SLC7A4: variants seen among roughly 807,000 people sequenced by gnomAD.
SLC7A4 encodes the protein cationic amino acid transporter 4.
In SLC7A4, 30 loss-of-function variants were observed where a neutral mutation model predicts 37.8. The observed-to-expected ratio is 0.79, with a 90% CI of 0.59 to 1.08. The LOEUF is 1.08. SLC7A4 is among the 50% of genes least tolerant of loss of function. SLC7A4 has a pLI of 0.00. For synonymous variants in SLC7A4, 359 were observed against 376.5 expected (o/e 0.95, Z 0.54); for missense variants, 839 against 843.2 (o/e 1.00, Z 0.06).
chr22:21,031,118 A>G lies in SLC7A4; in HGVS notation c.695T>C (p.Phe232Ser), dbSNP rs1928869296. ...WSADEGGFAP[F>S]GFSGVMAGTA... ...GCCGGCCATGACGCCGGAGAAGCCGAAGGGTGCAAAGCCGCCTTCGTCAGC... is the reference window on the plus strand; with the variant it reads ...GCCGGCCATGACGCCGGAGAAGCCGGAGGGTGCAAAGCCGCCTTCGTCAGC... Residue 232 changes from phenylalanine (F) to serine (S), a missense_variant, in exon 2 of 5, where the codon TTC (phenylalanine) becomes TCC (serine). Physicochemically the swap from Phe to Ser is radical, Grantham distance 155. Coordinates refer to ENST00000382932, the MANE Select transcript of SLC7A4 (RefSeq NM_004173.3). 2 of 1,613,890 alleles carry G rather than the reference A, an allele frequency of 1.2e-6. No individual in the cohort carries two copies. Among genetic ancestry groups the G allele is most frequent in the Non-Finnish European group, 1.7e-6 (2 of 1,179,906 alleles).
In SLC7A4 at chr22:21,031,256, C is replaced by A; in HGVS notation, c.557G>T (p.Cys186Phe). Residue 186 changes from cysteine to phenylalanine, a missense_variant, in exon 2 of 5, where the codon TGT (cysteine) becomes TTT (phenylalanine). Transcript: ENST00000382932. ...GAGCCAGGAGGACACGCGGGCTCCACAGGAGACAAAGGCAGAGGCCAGGAG... is the reference window on the plus strand; with the variant it reads ...GAGCCAGGAGGACACGCGGGCTCCAAAGGAGACAAAGGCAGAGGCCAGGAG... ...IILLASAFVSCGARVSSWLNH... is the reference protein window; with the variant it reads ...IILLASAFVSFGARVSSWLNH... The A allele has an allele frequency of 6.2e-7, 1 of 1,613,086 alleles. No homozygotes were observed. Among genetic ancestry groups the A allele is most frequent in the South Asian group, 1.1e-5 (1 of 90,988 alleles).
In SLC7A4 at chr22:21,028,994, G is replaced by C; in HGVS notation, c.*61C>G. On this transcript the variant is annotated 3_prime_UTR_variant, in exon 5 of 5. Transcript: ENST00000382932. ...CCACAACAGAAGGGGCTCTCGGCTT[G>C]TCTGGCCTCTCTGGCCTCCCAAGCA... The C allele has an allele frequency of 2.6e-6, 4 of 1,509,974 alleles. No individual in the cohort carries two copies. The highest frequency in any genetic ancestry group is 2.4e-5 in the East Asian group (1 of 42,130). The allele number at this position is 1,509,974 out of a possible 1,614,324, so 93.5% of individuals were successfully genotyped here.
At position 21,031,628 on chromosome 22, in the gene SLC7A4, A is replaced by C; in HGVS notation, c.185T>G (p.Val62Gly). Residue 62 changes from valine to glycine, a missense_variant, in exon 2 of 5, where the codon GTG becomes GGG. Physicochemically the swap from Val to Gly is moderately radical, Grantham distance 109. Coordinates refer to ENST00000382932, the MANE Select transcript of SLC7A4 (RefSeq NM_004173.3). Reference sequence around the variant, plus strand: ...AGCAGGGCCAGCCACCTCCTTGGCCACGGCACCTGTGAGCACGTAGAGACC... The same window carrying C: ...AGCAGGGCCAGCCACCTCCTTGGCCCCGGCACCTGTGAGCACGTAGAGACC... Reference protein sequence around the residue: ...GSGLYVLTGAVAKEVAGPAVL... With the variant: ...GSGLYVLTGAGAKEVAGPAVL... The C allele has an allele frequency of 6.2e-7, 1 of 1,609,676 alleles. No homozygotes were observed. Among genetic ancestry groups the C allele is most frequent in the Non-Finnish European group, 8.5e-7 (1 of 1,178,048 alleles).
rs1928898138 is a variant in SLC7A4, at chr22:21,031,849, G to C, written c.-37C>G. The C allele has an allele frequency of 6.8e-7, 1 of 1,469,754 alleles. No individual in the cohort carries two copies. The highest frequency in any genetic ancestry group is 1.4e-5 in the African/African-American group (1 of 71,068). 91.0% of individuals were successfully genotyped at this position (1,469,754 alleles called of 1,614,324 possible). On this transcript the variant is annotated 5_prime_UTR_variant, in exon 2 of 5. Transcript: ENST00000382932. ...GAGAAGAGCACCGAGCCAGCTACTG[G>C]AACCTGCTAGGGCCAGAGGGGAATG...
At position 21,030,168 on chromosome 22, in the gene SLC7A4, G is replaced by A. The variant is rs936783221; in HGVS notation, c.1166C>T (p.Ser389Leu). 6.2e-6 allele frequency: 10 copies of A among 1,613,814 alleles called. No individual in the cohort carries two copies. In the Admixed American group the frequency reaches 8.3e-5, roughly 13 times the overall value. ...AFLALLLDLESLVQFLSLGTL... is the reference protein window; with the variant it reads ...AFLALLLDLELLVQFLSLGTL... The stretch of plus-strand genomic sequence containing the variant: ...GCCAAGGGACAGGAACTGAACCAGC[G>A]ACTCCAGGTCCAGCAGCAGTGCCAG... Residue 389 changes from serine to leucine, a missense_variant, in exon 3 of 5, where the codon TCG becomes TTG. Transcript: ENST00000382932.
At chr22:21,029,575 C>A (rs1928807151) in intron 3 of SLC7A4, 131 bp from the exon 4 acceptor site, 1 of 1,144,756 alleles carries the variant, frequency 8.7e-7, no homozygotes, top group East Asian at 2.4e-5. Flanking sequence ...TGCTCACTCA[C>A]CATGCAGAAA....
At position 21,031,441 on chromosome 22, in the gene SLC7A4, G is replaced by C. The variant is rs144630582; in HGVS notation, c.372C>G (p.Leu124=). The C allele has an allele frequency of 3.3e-4, 531 of 1,601,284 alleles. No individual in the cohort carries two copies. The East Asian group carries it at 5.5e-3, about 17-fold the overall frequency. ...WAFLIGWNVL[L]EYIIGGAAVA... is the part of the protein sequence containing the mutation. ...CGGCGGCGCCACCGATGATGTATTC[G>C]AGGAGAACATTCCAGCCGATGAGGA... The change falls in exon 2 of 5, where the codon CTC becomes CTG. Residue 124 remains leucine, a synonymous_variant. Coordinates refer to ENST00000382932, the MANE Select transcript of SLC7A4 (RefSeq NM_004173.3).
chr22:21,030,721 A>G, intron 2 of SLC7A4, 110 bp downstream of exon 2: 1 of 1,295,420 alleles, frequency 7.7e-7, no homozygotes, highest in Non-Finnish European at 1.0e-6. Context: ...TCCTTGCCCC[A>G]TTATGCAACT....
At position 21,031,310 on chromosome 22, in the gene SLC7A4, T is replaced by C. The variant is rs1601792338; in HGVS notation, c.503A>G (p.Tyr168Cys). ...GATGCCAGCAGCCAGGAAGTCCGGGTAGTGGCCCAGGAGGGGCACCTGCCA... is the reference window on the plus strand; with the variant it reads ...GATGCCAGCAGCCAGGAAGTCCGGGCAGTGGCCCAGGAGGGGCACCTGCCA... ...GSWQVPLLGH[Y>C]PDFLAAGIIL... is the part of the protein sequence containing the mutation. The change falls in exon 2 of 5, where the codon TAC (tyrosine) becomes TGC (cysteine). Residue 168 changes from tyrosine (Y) to cysteine (C), a missense_variant. By Grantham distance (194) the Tyr-to-Cys change is radical (BLOSUM62 -2). Coordinates refer to ENST00000382932, the MANE Select transcript of SLC7A4 (RefSeq NM_004173.3). 3.1e-6 allele frequency: 5 copies of C among 1,609,472 alleles called. No homozygotes were observed. The highest frequency in any genetic ancestry group is 4.2e-6 in the Non-Finnish European group (5 of 1,178,020).
rs141850216 is a variant in SLC7A4, at chr22:21,029,643, A to T, written c.1623+68T>A. 701 of 1,501,228 alleles carry T rather than the reference A, an allele frequency of 4.7e-4. 2 individuals carry two copies. The African/African-American group carries it at 8.1e-3, about 17-fold the overall frequency. 93.0% of individuals were successfully genotyped at this position (1,501,228 alleles called of 1,614,324 possible). A position where few individuals can be genotyped will look rare whatever the true frequency, so the allele number is the denominator to read the frequency against. ...CCCCGTGAGACTTGTTCATTCTGGG[A>T]TGGTAGTGGGGGAAGGGGAGGCAGC... On this transcript the variant is annotated intron_variant, in intron 3 of 4. Coordinates refer to ENST00000382932, the MANE Select transcript of SLC7A4 (RefSeq NM_004173.3).
Position 21,029,029 on chromosome 22 carries a change from G to A in SLC7A4, c.*26C>T. 6.4e-7 allele frequency: 1 copy of A among 1,573,678 alleles called. No individual in the cohort carries two copies. On this transcript the variant is annotated 3_prime_UTR_variant, in exon 5 of 5. Transcript: ENST00000382932. ...TCTGGCCTCCCAAGCAGGTGTGGGA[G>A]GGCGGGGCAAGTGTGGGCTGATCAG... is the stretch of plus-strand genomic sequence containing the variant.
In SLC7A4 at chr22:21,030,912, G is replaced by T. The variant is rs199901075; in HGVS notation, c.901C>A (p.Pro301Thr). ...TLMVPWHSLD[P>T]DSALADAFYQ... ...AAGGCATCTGCAAGCGCTGAGTCGG[G>T]GTCCAGGCTGTGCCAGGGCACCATG... The change falls in exon 2 of 5, where the codon CCC (proline) becomes ACC (threonine). Residue 301 changes from proline (P) to threonine (T), a missense_variant. Pro to Thr is a conservative substitution (Grantham distance 38). Coordinates refer to ENST00000382932, the MANE Select transcript of SLC7A4 (RefSeq NM_004173.3). The T allele has an allele frequency of 1.3e-5, 21 of 1,613,974 alleles. No homozygotes were observed. The Admixed American group carries it at 3.0e-4, about 23-fold the overall frequency.
In SLC7A4 at chr22:21,030,353, T is replaced by C. The variant is rs1248572957; in HGVS notation, c.983-2A>G. The C allele has an allele frequency of 6.3e-7, 1 of 1,594,912 alleles. No individual in the cohort carries two copies. The highest frequency in any genetic ancestry group is 8.6e-7 in the Non-Finnish European group (1 of 1,167,930). Reference sequence around the variant, plus strand: ...GGCTGAGCAGGACGGTGTTCATGGCTGTAGCAGAGAGAGTGGGGAGGGTCA... The same window carrying C: ...GGCTGAGCAGGACGGTGTTCATGGCCGTAGCAGAGAGAGTGGGGAGGGTCA... On this transcript the variant is annotated splice_acceptor_variant, in intron 2 of 4. Coordinates refer to ENST00000382932, the MANE Select transcript of SLC7A4 (RefSeq NM_004173.3). LOFTEE classifies it high-confidence loss of function.
In SLC7A4 at chr22:21,031,259, G is replaced by T. The variant is rs776795310; in HGVS notation, c.554C>A (p.Ser185Tyr). 1 of 1,613,070 alleles carries T rather than the reference G, an allele frequency of 6.2e-7. No individual in the cohort carries two copies. Among genetic ancestry groups the T allele is most frequent in the Non-Finnish European group, 8.5e-7 (1 of 1,179,610 alleles). Residue 185 changes from serine to tyrosine, a missense_variant, in exon 2 of 5, where the codon TCC (serine) becomes TAC (tyrosine). Coordinates refer to ENST00000382932, the MANE Select transcript of SLC7A4 (RefSeq NM_004173.3). ...CCAGGAGGACACGCGGGCTCCACAG[G>T]AGACAAAGGCAGAGGCCAGGAGGAT... ...GIILLASAFV[S>Y]CGARVSSWLN...
Position 21,028,802 on chromosome 22 carries a change from C to T in SLC7A4, c.*253G>A. On this transcript the variant is annotated 3_prime_UTR_variant, in exon 5 of 5. Transcript: ENST00000382932. ...GGCCTTCCCATCCACCCCACCACAA[C>T]TGCCCAGGTAGCTGGAGCTGATCAT... The T allele has an allele frequency of 2.4e-6, 1 of 411,526 alleles. No homozygotes were observed. Among genetic ancestry groups the T allele is most frequent in the Non-Finnish European group, 4.3e-6 (1 of 232,592 alleles). The allele number at this position is 411,526 out of a possible 1,614,324, so 25.5% of individuals were successfully genotyped here.
rs772718742 is a variant in SLC7A4, at chr22:21,030,897, C to G, written c.916G>C (p.Ala306Pro). The change falls in exon 2 of 5, where the codon GCA becomes CCA. Residue 306 changes from alanine to proline, a missense_variant. Transcript: ENST00000382932. ...TAGCCCCGCTGGTAGAAGGCATCTGCAAGCGCTGAGTCGGGGTCCAGGCTG... is the reference window on the plus strand; with the variant it reads ...TAGCCCCGCTGGTAGAAGGCATCTGGAAGCGCTGAGTCGGGGTCCAGGCTG... ...WHSLDPDSALADAFYQRGYRW... is the reference protein window; with the variant it reads ...WHSLDPDSALPDAFYQRGYRW... The G allele has an allele frequency of 5.6e-6, 9 of 1,613,402 alleles. No individual in the cohort carries two copies. The African/African-American group carries it at 1.2e-4, about 22-fold the overall frequency.
chr22:21,030,367 T>G lies in SLC7A4; in HGVS notation c.983-16A>C, dbSNP rs779134577. 8.8e-6 allele frequency: 14 copies of G among 1,582,604 alleles called. No individual in the cohort carries two copies. Among genetic ancestry groups the G allele is most frequent in the Non-Finnish European group, 1.1e-5 (13 of 1,161,910 alleles). On this transcript the variant is annotated splice_polypyrimidine_tract_variant and intron_variant, in intron 2 of 4. Coordinates refer to ENST00000382932, the MANE Select transcript of SLC7A4 (RefSeq NM_004173.3). The stretch of plus-strand genomic sequence containing the variant: ...GTGTTCATGGCTGTAGCAGAGAGAG[T>G]GGGGAGGGTCAGCATGGCGGAGAAG...
chr22:21,031,928 C>A lies in SLC7A4; in HGVS notation c.-40-76G>T, dbSNP rs1928901253. On this transcript the variant is annotated intron_variant, in intron 1 of 4. Transcript: ENST00000382932. ...CCTTCCATCCCTCCTGGTCTGACCA[C>A]CCCCAGTCCTCTCTCTGTCCCTGAC... The A allele has an allele frequency of 7.7e-6, 8 of 1,032,582 alleles. No homozygotes were observed. The South Asian group carries it at 2.3e-4, about 30-fold the overall frequency. The allele number at this position is 1,032,582 out of a possible 1,614,324, so 64.0% of individuals were successfully genotyped here.
rs779120152 is a variant in SLC7A4 at position 21,031,488 on chromosome 22, A to T, written c.325T>A (p.Ser109Thr). ...TGSAYLFTYV[S>T]MGELWAFLIG... ...AGGAAGGCCCACAGCTCGCCCATGG[A>T]TACGTAGGTGAACAGGTAGGCAGAG... Residue 109 changes from serine (S) to threonine (T), a missense_variant, in exon 2 of 5, where the codon TCC (serine) becomes ACC (threonine). Physicochemically the swap from Ser to Thr is moderately conservative, Grantham distance 58. Coordinates refer to ENST00000382932, the MANE Select transcript of SLC7A4 (RefSeq NM_004173.3). 2 of 1,609,566 alleles carry T rather than the reference A, an allele frequency of 1.2e-6. No homozygotes were observed. Among genetic ancestry groups the T allele is most frequent in the Admixed American group, 1.7e-5 (1 of 59,584 alleles).
Sources: gnomAD v4.1 joint callset for allele counts on GRCh38, gnomAD v4.1.1 for gene constraint, MANE v1.5 for transcripts, NCBI Gene and HGNC (gene_info 2026-07-23, HGNC 2026-07-21) for gene names.